TNRC6B: variants seen among roughly 807,000 people sequenced by gnomAD.
TNRC6B encodes the protein trinucleotide repeat-containing gene 6B protein.
TNRC6B carries 52 observed loss-of-function variants against 203.6 expected under a neutral mutation model. The ratio of observed to expected loss-of-function variants is 0.26; its 90% CI spans 0.20 to 0.32. TNRC6B has a LOEUF of 0.32. TNRC6B is among the 10% of genes least tolerant of loss of function. The pLI is 1.00. For synonymous variants in TNRC6B, 838 were observed against 845.7 expected (o/e 0.99, Z 0.16); for missense variants, 1,923 against 2,286.2 (o/e 0.84, Z 3.24).
chr22:40,261,690 CCCTTGA>C, intron 3 of TNRC6B, 136 bp from the exon 4 acceptor site: 2 of 636,038 alleles, frequency 3.1e-6, no homozygotes, highest in Admixed American at 3.8e-5. Context: ...GTGGGAGAGT[CCCTTGA>C]GCCCGAGTTC....
intron 3 of TNRC6B, among the ~76,000 whole-genome samples, chr22:40,146,706 C>T (rs1375238656): frequency 6.6e-6 from 1 of 151,912 alleles, no homozygotes; most frequent in Admixed American, 6.6e-5. Context: ...ATTACAGGCG[C>T]CCGCCGCCAT....
chr22:40,156,264 T>A, intron 4 of TNRC6B: 1 of 1,371,320 alleles, frequency 7.3e-7, no homozygotes, highest in Non-Finnish European at 1.0e-6. Flanking sequence ...AGCGTGTTTG[T>A]CAGAGATGTA....
At chr22:40,156,238 G>A in intron 4 of TNRC6B, 2 of 1,507,146 alleles carry the variant, frequency 1.3e-6, no homozygotes, top group Non-Finnish European at 1.8e-6. Context: ...AAACACTTTG[G>A]TTCAACATGC....
rs2044012631 is a variant in TNRC6B, at chr22:40,334,459, C to G, written c.*11218C>G. 1 of 152,620 alleles carries G rather than the reference C, an allele frequency of 6.6e-6. No homozygotes were observed. The highest frequency in any genetic ancestry group is 1.5e-5 in the Non-Finnish European group (1 of 68,046). 9.5% of individuals were successfully genotyped at this position (152,620 alleles called of 1,614,324 possible). ...AACTGTTCCCACTCCTAACTCTCCA[C>G]TATGTGCTTATAACTTCACATTCTA... On this transcript the variant is annotated 3_prime_UTR_variant, in exon 23 of 23. Transcript: ENST00000454349.
chr22:40,255,018 T>C (rs1034369071), intron 3 of TNRC6B, among the ~76,000 whole-genome samples: 1 of 152,150 alleles, frequency 6.6e-6, no homozygotes, highest in Non-Finnish European at 1.5e-5. Flanking sequence ...TCGGGCCAGA[T>C]TGGGCAAGGA....
At chr22:40,247,765 AAGTCT>A (rs1404750570) in intron 2 of TNRC6B, among the ~76,000 whole-genome samples, 1 of 151,798 alleles carries the variant, frequency 6.6e-6, no homozygotes, top group Non-Finnish European at 1.5e-5. Context: ...CTGGAGTGAA[AAGTCT>A]AAATAAATAA....
chr22:40,155,707 C>A (rs940215758), intron 3 of TNRC6B, among the ~76,000 whole-genome samples: 4 of 152,142 alleles, frequency 2.6e-5, no homozygotes, highest in African/African-American at 4.8e-5. Flanking sequence ...TTTTAGCCAA[C>A]CTAGTAGTTG....
At chr22:40,080,745 T>C (rs1240142850) in intron 1 of TNRC6B, among the ~76,000 whole-genome samples, 1 of 152,174 alleles carries the variant, frequency 6.6e-6, no homozygotes, top group Non-Finnish European at 1.5e-5. Context: ...CACATCTCTT[T>C]TGTGAAGTCT....
intron 7 of TNRC6B, among the ~76,000 whole-genome samples, chr22:40,274,225 G>A (rs2070606248): frequency 6.6e-6 from 1 of 152,056 alleles, no homozygotes; most frequent in African/African-American, 2.4e-5. Flanking sequence ...TCTAAAGCCA[G>A]AGAAGTCCTT....
At chr22:40,046,669 G>T (rs1285657028) in intron 1 of TNRC6B, among the ~76,000 whole-genome samples, 1 of 128,906 alleles carries the variant, frequency 7.8e-6, no homozygotes, top group African/African-American at 3.0e-5. Context: ...TTTTGAGACA[G>T]AGTCTCAAAG....
chr22:40,084,386 C>A (rs1277315267), intron 1 of TNRC6B, among the ~76,000 whole-genome samples: 3 of 152,158 alleles, frequency 2.0e-5, no homozygotes, highest in Admixed American at 2.0e-4. Context: ...GTCCTTCGAG[C>A]TGAGCAGTTT....
chr22:40,292,131 T>G (rs1368585532), intron 12 of TNRC6B, among the ~76,000 whole-genome samples: 1 of 152,140 alleles, frequency 6.6e-6, no homozygotes, highest in Non-Finnish European at 1.5e-5. Context: ...GAGGCGGAGC[T>G]TGCAGTGAGC....
chr22:40,199,757 G>C (rs949356560), intron 1 of TNRC6B, among the ~76,000 whole-genome samples: 1 of 150,750 alleles, frequency 6.6e-6, no homozygotes, highest in African/African-American at 2.4e-5. Flanking sequence ...TTTGATGGTT[G>C]TATTATGGTT....
chr22:40,144,296 G>C (rs2068671421), intron 3 of TNRC6B, among the ~76,000 whole-genome samples: 1 of 152,182 alleles, frequency 6.6e-6, no homozygotes, highest in Admixed American at 6.5e-5. Context: ...ATTTATAGCA[G>C]CTCCAAACTG....
intron 1 of TNRC6B, among the ~76,000 whole-genome samples, chr22:40,217,474 A>G (rs923342205): frequency 2.6e-5 from 4 of 152,230 alleles, no homozygotes; most frequent in Non-Finnish European, 5.9e-5. Flanking sequence ...AGTGAGGACC[A>G]TAAACCTACT....
chr22:40,248,590 TTAAAA>T (rs1367958451), intron 2 of TNRC6B, among the ~76,000 whole-genome samples: 3 of 152,174 alleles, frequency 2.0e-5, no homozygotes, highest in African/African-American at 7.2e-5. Context: ...GAAAAATGAT[TTAAAA>T]TAAAGATGGT....
chr22:40,106,237 CT>C (rs201593383), intron 1 of TNRC6B: 4,235 of 156,938 alleles, frequency 0.027, 19 homozygotes, highest in African/African-American at 0.066. Context: ...TCGAGGTTGT[CT>C]TTTTTTTTTT....
rs537826002 is a variant in TNRC6B at position 40,096,153 on chromosome 22, A to G, written c.-120-20902A>G. 2.0e-5 allele frequency among the ~76,000 whole-genome samples: 3 copies of G among 152,342 alleles called. No individual in the cohort carries two copies. The East Asian group carries it at 5.8e-4, about 29-fold the overall frequency. The stretch of plus-strand genomic sequence containing the variant: ...CTTATGGTAAATGGTCAACCACTCA[A>G]TGCCAGGATCATGGCCAAAACTTTA... On this transcript the variant is annotated intron_variant, in intron 1 of 23. Transcript: ENST00000301923.
rs1394086114 is a variant in TNRC6B at position 40,266,498 on chromosome 22, A to G, written c.2268A>G (p.Thr756=). ...GTTGGGGGGAGGAAGTCGATCAGAC[A>G]AAAAACAGCAATTGGGAAAGTTCTG... ...KNGWGEEVDQ[T]KNSNWESSAS... is the part of the protein sequence containing the mutation. Residue 756 remains threonine, a synonymous_variant, in exon 5 of 23, where the codon ACA becomes ACG. Coordinates refer to ENST00000454349, the MANE Select transcript of TNRC6B (RefSeq NM_001162501.2). The G allele has an allele frequency of 3.7e-6, 6 of 1,613,726 alleles. No individual in the cohort carries two copies. The highest frequency in any genetic ancestry group is 2.7e-5 in the African/African-American group (2 of 74,926).
Sources: allele counts gnomAD v4.1 joint callset (sites outside exome capture counted in the v4.1 genomes callset), GRCh38; gene constraint gnomAD v4.1.1; transcripts MANE v1.5; gene names NCBI Gene and HGNC (gene_info 2026-07-23, HGNC 2026-07-21).